DRG1: variants seen among roughly 807,000 people sequenced by gnomAD.
The protein encoded by DRG1 is developmentally-regulated GTP-binding protein 1.
A neutral mutation model predicts 38.8 loss-of-function variants in DRG1; 19 were observed. The ratio of observed to expected loss-of-function variants is 0.49; its 90% CI spans 0.34 to 0.72. The LOEUF (loss-of-function observed/expected upper bound fraction) is 0.72. Ranked by LOEUF, DRG1 falls within the 30% of genes least tolerant of loss-of-function variation. The pLI is 0.01. For missense variants in DRG1, 299 were observed against 444.8 expected (o/e 0.67, Z 2.95); for synonymous variants, 167 against 157.5 (o/e 1.06, Z -0.45).
chr22:31,420,110 T>G, intron 4 of DRG1, 146 bp from the exon 5 acceptor site: 1 of 805,018 alleles, frequency 1.2e-6, no homozygotes. Context: ...CTTCTGTAGC[T>G]ATAAGAACTT....
intron 4 of DRG1, among the ~76,000 whole-genome samples, chr22:31,419,587 G>C (rs546465558): frequency 1.3e-5 from 2 of 152,164 alleles, no homozygotes; most frequent in East Asian, 3.9e-4. Flanking sequence ...GCAATAGTGG[G>C]GAAGATTGAA....
chr22:31,401,382 C>T (rs1039711143), intron 2 of DRG1, among the ~76,000 whole-genome samples: 2 of 151,626 alleles, frequency 1.3e-5, no homozygotes, highest in African/African-American at 4.8e-5. Flanking sequence ...AGTTCAAGAC[C>T]AGCTTGGCCA....
chr22:31,429,184 TATC>T (rs544666728), intron 8 of DRG1, among the ~76,000 whole-genome samples: 35 of 152,302 alleles, frequency 2.3e-4, no homozygotes, highest in Non-Finnish European at 4.9e-4. Context: ...AGTGGCACGA[TATC>T]AGCTCACTGC....
rs775719891 is a variant in DRG1, at chr22:31,426,753, G to A, written c.852G>A (p.Lys284=). The stretch of plus-strand genomic sequence containing the variant: ...GGAATTTTGATGACCTATTGGAAAA[G>A]ATCTGGGACTATCTGAAACTAGTGA... ...HRWNFDDLLE[K]IWDYLKLVRI... Residue 284 remains lysine, a synonymous_variant, in exon 7 of 9, where the codon AAG becomes AAA. Transcript: ENST00000331457. The A allele has an allele frequency of 8.7e-6, 14 of 1,614,156 alleles. No individual in the cohort carries two copies. The highest frequency in any genetic ancestry group is 1.2e-5 in the Non-Finnish European group (14 of 1,180,028).
intron 3 of DRG1, among the ~76,000 whole-genome samples, chr22:31,406,541 G>A (rs575801778): frequency 6.6e-6 from 1 of 151,788 alleles, no homozygotes; most frequent in Non-Finnish European, 1.5e-5. Flanking sequence ...TAAAAAATTA[G>A]CCAGGCATCT....
At chr22:31,412,715 G>A (rs1397218631) in intron 4 of DRG1, among the ~76,000 whole-genome samples, 1 of 140,994 alleles carries the variant, frequency 7.1e-6, no homozygotes, top group Admixed American at 7.1e-5. Flanking sequence ...CTTTTTTTTT[G>A]AAACACTCCC....
At chr22:31,421,612 C>G (rs553077737) in intron 5 of DRG1, among the ~76,000 whole-genome samples, 2 of 151,666 alleles carry the variant, frequency 1.3e-5, no homozygotes, top group Admixed American at 1.3e-4. Context: ...GCCTGTACAT[C>G]TATAATCCCA....
chr22:31,407,075 A>G (rs915176129), intron 3 of DRG1, among the ~76,000 whole-genome samples: 5 of 152,188 alleles, frequency 3.3e-5, no homozygotes, highest in Admixed American at 1.3e-4. Flanking sequence ...TGGCAAGAAT[A>G]CCACAGAAAT....
intron 8 of DRG1, among the ~76,000 whole-genome samples, chr22:31,429,694 C>T (rs1314838311): frequency 1.3e-5 from 2 of 151,590 alleles, no homozygotes; most frequent in Non-Finnish European, 2.9e-5. Context: ...TTGTCCAAGC[C>T]GGAGTGCAGT....
chr22:31,409,975 G>T (rs2050009576), intron 3 of DRG1, among the ~76,000 whole-genome samples: 1 of 152,050 alleles, frequency 6.6e-6, no homozygotes, highest in Admixed American at 6.6e-5. Flanking sequence ...AGCCTGGGTG[G>T]CAGAGTGAGA....
chr22:31,400,943 CAAAA>C (rs372167369), intron 2 of DRG1, among the ~76,000 whole-genome samples, 200 bp downstream of exon 2: 7 of 106,094 alleles, frequency 6.6e-5, no homozygotes, highest in Non-Finnish European at 9.9e-5. Context: ...ACCCCCATCT[CAAAA>C]AAAAAAAAAA....
At chr22:31,420,526 C>T in intron 5 of DRG1, 101 bp downstream of exon 5, 3 of 1,395,616 alleles carry the variant, frequency 2.1e-6, no homozygotes, top group African/African-American at 2.9e-5. Flanking sequence ...CCTGGCTTTT[C>T]CCTGCACTAA....
chr22:31,416,346 A>G (rs1169549615), intron 4 of DRG1, among the ~76,000 whole-genome samples: 1 of 152,166 alleles, frequency 6.6e-6, no homozygotes, highest in Non-Finnish European at 1.5e-5. Flanking sequence ...GTTTTCCCAT[A>G]TTATTTGGGA....
At chr22:31,427,920 A>G (rs1215694362) in intron 8 of DRG1, among the ~76,000 whole-genome samples, 1 of 151,918 alleles carries the variant, frequency 6.6e-6, no homozygotes, top group Non-Finnish European at 1.5e-5. Flanking sequence ...TATTTTTAGT[A>G]GAAACGGGGT....
chr22:31,400,257 C>T (rs2049953462), intron 1 of DRG1, among the ~76,000 whole-genome samples: 1 of 151,826 alleles, frequency 6.6e-6, no homozygotes, highest in African/African-American at 2.4e-5. Context: ...GTTTATTCCG[C>T]CTGGATAGTG....
chr22:31,407,767 T>A (rs1428520066), intron 3 of DRG1, among the ~76,000 whole-genome samples: 1 of 151,818 alleles, frequency 6.6e-6, no homozygotes, highest in Non-Finnish European at 1.5e-5. Context: ...TTGCAGTTTA[T>A]TTAATGCAAA....
intron 6 of DRG1, among the ~76,000 whole-genome samples, chr22:31,425,535 G>A (rs1342456734): frequency 6.6e-6 from 1 of 151,768 alleles, no homozygotes; most frequent in Non-Finnish European, 1.5e-5. Context: ...TGAACTCCCG[G>A]GCTCAATCCA....
chr22:31,412,505 C>T (rs2050023511), intron 4 of DRG1, among the ~76,000 whole-genome samples: 1 of 151,134 alleles, frequency 6.6e-6, no homozygotes, highest in South Asian at 2.1e-4. Flanking sequence ...CGCCCGCCAC[C>T]ATGCACGGCT....
chr22:31,414,693 T>C (rs1288035928), intron 4 of DRG1, among the ~76,000 whole-genome samples: 4 of 152,054 alleles, frequency 2.6e-5, no homozygotes, highest in Non-Finnish European at 2.9e-5. Context: ...GAAAAACTTA[T>C]GTGACTGACA....
Sources: allele counts gnomAD v4.1 joint callset (sites outside exome capture counted in the v4.1 genomes callset), GRCh38; gene constraint gnomAD v4.1.1; transcripts MANE v1.5; gene names NCBI Gene and HGNC (gene_info 2026-07-23, HGNC 2026-07-21).